Variants in FBXW12 observed in about 807,000 individuals in gnomAD.
FBXW12 encodes F-box/WD repeat-containing protein 12.
FBXW12 carries 43 observed loss-of-function variants against 55.3 expected under a neutral mutation model. The ratio of observed to expected loss-of-function variants is 0.78; its 90% CI spans 0.61 to 1.00. The LOEUF (loss-of-function observed/expected upper bound fraction) is 1.00. FBXW12 is among the 50% of genes least tolerant of loss of function. FBXW12 has a pLI of 0.00. For synonymous variants in FBXW12, 184 were observed against 203.8 expected (o/e 0.90, Z 0.83); for missense variants, 524 against 560.5 (o/e 0.93, Z 0.66).
At chr3:48,391,106 CAAAAAAAAAAAAA>C (rs587685327) in intron 10 of FBXW12, among the ~76,000 whole-genome samples, 11 of 82,912 alleles carry the variant, frequency 1.3e-4, no homozygotes, top group South Asian at 4.0e-4. Context: ...CCTGTCTCTA[CAAAAAAAAAAAAA>C]AAAAAAAAAA....
At position 48,380,759 on chromosome 3, in the gene FBXW12, T is replaced by C. The variant is rs765472392; in HGVS notation, c.832T>C (p.Phe278Leu). The change falls in exon 8 of 11, where the codon TTT (phenylalanine) becomes CTT (leucine). Residue 278 changes from phenylalanine (F) to leucine (L), a missense_variant. Physicochemically the swap from Phe to Leu is conservative, Grantham distance 22 (BLOSUM62 0). Coordinates refer to ENST00000296438, the MANE Select transcript of FBXW12 (RefSeq NM_207102.2). ...PSEGSVPLST[F>L]LPHKLCASAC... is the part of the protein sequence containing the mutation. Reference sequence around the variant, plus strand: ...AGAAGGCAGTGTTCCTCTGTCTACCTTTCTCCCACATAAATTATGTGCCAG... The same window carrying C: ...AGAAGGCAGTGTTCCTCTGTCTACCCTTCTCCCACATAAATTATGTGCCAG... 3.7e-6 allele frequency: 6 copies of C among 1,614,112 alleles called. No homozygotes were observed. Among genetic ancestry groups the C allele is most frequent in the East Asian group, 2.2e-5 (1 of 44,872 alleles).
chr3:48,382,262 A>G (rs986483904), intron 10 of FBXW12, among the ~76,000 whole-genome samples, 177 bp downstream of exon 10: 1 of 152,080 alleles, frequency 6.6e-6, no homozygotes, highest in Non-Finnish European at 1.5e-5. Flanking sequence ...GATTACAGGC[A>G]TGTGCCACCA....
rs569003737 is a variant in FBXW12 at position 48,382,013 on chromosome 3, A to G, written c.1223A>G (p.Glu408Gly). 6.8e-6 allele frequency: 11 copies of G among 1,614,194 alleles called. No homozygotes were observed. In the East Asian group the frequency reaches 2.0e-4, roughly 29 times the overall value. ...TCTGTGCACGTGTACATGTGGGAAG[A>G]AGGAGGCCGCCATCCATACCTCAGG... ...ENSVHVYMWE[E>G]GGRHPYLRSC... The change falls in exon 10 of 11, where the codon GAA (glutamate) becomes GGA (glycine). Residue 408 changes from glutamate (E) to glycine (G), a missense_variant. Glu to Gly is a moderately conservative substitution (Grantham distance 98). Transcript: ENST00000296438.
chr3:48,385,404 C>A (rs1226917795), intron 10 of FBXW12, among the ~76,000 whole-genome samples: 1 of 151,178 alleles, frequency 6.6e-6, no homozygotes, highest in Non-Finnish European at 1.5e-5. Context: ...TTTTCTTTAT[C>A]CATTCATCCA....
intron 10 of FBXW12, among the ~76,000 whole-genome samples, chr3:48,382,618 C>CAA (rs1435469737): frequency 6.6e-6 from 1 of 152,124 alleles, no homozygotes; most frequent in African/African-American, 2.4e-5. Context: ...GATTATGTCC[C>CAA]AATACCCTGT....
chr3:48,373,202 G>A, intron 2 of FBXW12, 106 bp from the exon 3 acceptor site: 1 of 1,555,114 alleles, frequency 6.4e-7, no homozygotes, highest in Non-Finnish European at 8.8e-7. Context: ...AATCCCATCT[G>A]ATTAACCTGT....
At chr3:48,382,805 C>T (rs1010502779) in intron 10 of FBXW12, among the ~76,000 whole-genome samples, 2 of 152,192 alleles carry the variant, frequency 1.3e-5, no homozygotes, top group African/African-American at 4.8e-5. Context: ...GCTTTGCACA[C>T]ATTTTCTTCC....
chr3:48,393,664 C>CTGTA (rs1159846051), intron 10 of FBXW12, among the ~76,000 whole-genome samples: 1 of 152,174 alleles, frequency 6.6e-6, no homozygotes, highest in Non-Finnish European at 1.5e-5. Flanking sequence ...TGGCTCACGC[C>CTGTA]TGTAATCCCA....
chr3:48,378,914 C>T (rs1281498856), intron 6 of FBXW12, among the ~76,000 whole-genome samples: 1 of 152,140 alleles, frequency 6.6e-6, no homozygotes, highest in Non-Finnish European at 1.5e-5. Flanking sequence ...CTCTTGTCAT[C>T]CCTTCCACAT....
chr3:48,392,986 CTTTTTTTTTTTTT>C (rs782102353), intron 10 of FBXW12, among the ~76,000 whole-genome samples: 10 of 125,158 alleles, frequency 8.0e-5, no homozygotes, highest in Non-Finnish European at 8.3e-5. Context: ...AAGGGGTACC[CTTTTTTTTTTTTT>C]TTTTTTTTTT....
intron 10 of FBXW12, among the ~76,000 whole-genome samples, chr3:48,389,577 T>C (rs1199867765): frequency 6.6e-6 from 1 of 152,138 alleles, no homozygotes; most frequent in African/African-American, 2.4e-5. Flanking sequence ...GGTTTCACCA[T>C]GTTGGCCAGG....
chr3:48,379,539 A>G lies in FBXW12; in HGVS notation c.755A>G (p.Tyr252Cys). 6.2e-7 allele frequency: 1 copy of G among 1,614,090 alleles called. No individual in the cohort carries two copies. Among genetic ancestry groups the G allele is most frequent in the Non-Finnish European group, 8.5e-7 (1 of 1,179,908 alleles). Residue 252 changes from tyrosine (Y) to cysteine (C), a missense_variant, in exon 7 of 11, where the codon TAC becomes TGC. By Grantham distance (194) the Tyr-to-Cys change is radical. Coordinates refer to ENST00000296438, the MANE Select transcript of FBXW12 (RefSeq NM_207102.2). The stretch of plus-strand genomic sequence containing the variant: ...AAATGGGTATTTGCATGTGGGACAT[A>G]CAGTCGTACCTTGCCACAGGTAGGT... ...DKKWVFACGT[Y>C]SRTLPQVFLT...
At chr3:48,382,140 C>T (rs1560032692) in intron 10 of FBXW12, 55 bp downstream of exon 10, 5 of 1,589,542 alleles carry the variant, frequency 3.1e-6, no homozygotes, top group Non-Finnish European at 2.6e-6. Flanking sequence ...TTTTTTGAGA[C>T]GGAGTCTCCC....
At chr3:48,392,223 C>T (rs1444064309) in intron 10 of FBXW12, among the ~76,000 whole-genome samples, 1 of 152,102 alleles carries the variant, frequency 6.6e-6, no homozygotes, top group Non-Finnish European at 1.5e-5. Context: ...GAGGCCAAGG[C>T]AGGCGGATCA....
At chr3:48,390,503 C>T (rs115328584) in intron 10 of FBXW12, among the ~76,000 whole-genome samples, 1,947 of 149,078 alleles carry the variant, frequency 0.013, 40 homozygotes, top group African/African-American at 0.045. Flanking sequence ...CAACCTCCAC[C>T]TCCCAGGTTC....
intron 10 of FBXW12, 67 bp from the exon 11 acceptor site, chr3:48,394,493 C>A: frequency 1.2e-6 from 1 of 864,932 alleles, no homozygotes; most frequent in Non-Finnish European, 1.9e-6. Flanking sequence ...AGTTCTAAGT[C>A]AGTATTAACA....
At chr3:48,383,743 G>C (rs1370498562) in intron 10 of FBXW12, among the ~76,000 whole-genome samples, 1 of 152,132 alleles carries the variant, frequency 6.6e-6, no homozygotes, top group African/African-American at 2.4e-5. Flanking sequence ...GTTAAATTTT[G>C]TAAGGGAAAG....
intron 2 of FBXW12, 115 bp downstream of exon 2, chr3:48,372,972 T>G (rs1262885586): frequency 9.9e-7 from 1 of 1,010,058 alleles, no homozygotes; most frequent in African/African-American, 1.6e-5. Flanking sequence ...GTTAGCATTC[T>G]TCATACTGAG....
intron 6 of FBXW12, 122 bp downstream of exon 6, chr3:48,378,648 T>C (rs1395162752): frequency 9.2e-6 from 7 of 758,106 alleles, no homozygotes; most frequent in Non-Finnish European, 1.4e-5. Context: ...AGAGTCTCAC[T>C]CTGTTGCTCA....
Sources: allele counts gnomAD v4.1 joint callset (sites outside exome capture counted in the v4.1 genomes callset), GRCh38; gene constraint gnomAD v4.1.1; transcripts MANE v1.5; gene names NCBI Gene and HGNC (gene_info 2026-07-23, HGNC 2026-07-21).